CHLSN: variants seen among roughly 807,000 people sequenced by gnomAD.
CHLSN encodes protein cholesin.
chr7:1,113,781 C>T, the CHLSN span, among the ~76,000 whole-genome samples: 37 of 152,280 alleles, frequency 2.4e-4, no homozygotes, highest in East Asian at 4.6e-3. Context: ...CCCGCGGGTG[C>T]CAGCTCTGAC....
At chr7:1,043,624 A>C in the CHLSN span, 2 of 152,312 alleles carry the variant, frequency 1.3e-5, no homozygotes, top group East Asian at 3.8e-4. Flanking sequence ...GCAGCAAGTC[A>C]GTATCACATC....
At chr7:1,016,309 GCACAGCAGCA>G in the CHLSN span, among the ~76,000 whole-genome samples, 11 of 45,754 alleles carry the variant, frequency 2.4e-4, 2 homozygotes, top group South Asian at 2.0e-3. Context: ...GCACATAGCA[GCACAGCAGCA>G]CACAGCAGCA....
At chr7:992,010 G>T in the CHLSN span, among the ~76,000 whole-genome samples, 1 of 152,150 alleles carries the variant, frequency 6.6e-6, no homozygotes, top group Non-Finnish European at 1.5e-5. Flanking sequence ...CAGGCAGCCC[G>T]CGAGCCCAGC....
At chr7:1,063,813 T>C in the CHLSN span, among the ~76,000 whole-genome samples, 2 of 152,242 alleles carry the variant, frequency 1.3e-5, no homozygotes, top group African/African-American at 4.8e-5. Context: ...TGGTTTGATC[T>C]GAATGTGGGC....
At chr7:1,037,443 G>A in the CHLSN span, among the ~76,000 whole-genome samples, 1 of 124,514 alleles carries the variant, frequency 8.0e-6, no homozygotes, top group African/African-American at 3.1e-5. Context: ...ACGGGGTTTC[G>A]CTGTGTTGGC....
At chr7:1,044,474 G>A in the CHLSN span, 1 of 152,236 alleles carries the variant, frequency 6.6e-6, no homozygotes, top group Non-Finnish European at 1.5e-5. Context: ...GGGGGGCGGA[G>A]GCCAGGGCGG....
At chr7:1,066,228 C>A in the CHLSN span, among the ~76,000 whole-genome samples, 2 of 152,158 alleles carry the variant, frequency 1.3e-5, no homozygotes, top group African/African-American at 4.8e-5. Flanking sequence ...CCCAGGCCCA[C>A]AGAAGGGGAC....
chr7:1,010,395 C>T, the CHLSN span, among the ~76,000 whole-genome samples: 1 of 152,226 alleles, frequency 6.6e-6, no homozygotes, highest in Non-Finnish European at 1.5e-5. Context: ...GAGGCCCCTT[C>T]CCCACCCCCG....
chr7:988,241 G>T, the CHLSN span: 25 of 1,543,724 alleles, frequency 1.6e-5, no homozygotes, highest in African/African-American at 3.4e-4. Flanking sequence ...CATCTTCCCC[G>T]GGGCCCCTCT....
At chr7:1,005,902 C>T in the CHLSN span, among the ~76,000 whole-genome samples, 18 of 152,210 alleles carry the variant, frequency 1.2e-4, no homozygotes, top group East Asian at 3.8e-4. Flanking sequence ...GGCCGGCCCC[C>T]GAAAATGGTG....
At chr7:1,042,563 C>T in the CHLSN span, among the ~76,000 whole-genome samples, 1 of 152,234 alleles carries the variant, frequency 6.6e-6, no homozygotes, top group Non-Finnish European at 1.5e-5. Context: ...CTCCCCAGGA[C>T]ACACACGAGC....
At chr7:1,008,982 C>A in the CHLSN span, among the ~76,000 whole-genome samples, 1 of 135,502 alleles carries the variant, frequency 7.4e-6, no homozygotes, top group Non-Finnish European at 1.6e-5. Flanking sequence ...CACACACACC[C>A]ATGCGAACAC....
chr7:1,044,290 A>C, the CHLSN span, among the ~76,000 whole-genome samples: 270 of 152,370 alleles, frequency 1.8e-3, 1 homozygote, highest in African/African-American at 6.3e-3. Flanking sequence ...GGGCACTAAG[A>C]GAATTCTCAA....
the CHLSN span, among the ~76,000 whole-genome samples, chr7:1,111,582 T>C: frequency 1.3e-5 from 2 of 152,186 alleles, no homozygotes; most frequent in Non-Finnish European, 1.5e-5. Context: ...AGAGGATCGC[T>C]TGAGCCTGGG....
the CHLSN span, among the ~76,000 whole-genome samples, chr7:1,060,223 C>G: frequency 6.6e-6 from 1 of 152,044 alleles, no homozygotes; most frequent in African/African-American, 2.4e-5. Flanking sequence ...AAAGTATAGG[C>G]CTGCAATCCC....
chr7:1,017,179 C>A, the CHLSN span, among the ~76,000 whole-genome samples: 1 of 152,342 alleles, frequency 6.6e-6, no homozygotes, highest in South Asian at 2.1e-4. Flanking sequence ...GCCCCAGGCT[C>A]AGGCTCCCTG....
chr7:1,135,965 A>G, the CHLSN span, among the ~76,000 whole-genome samples: 33 of 128,314 alleles, frequency 2.6e-4, no homozygotes, highest in South Asian at 7.0e-3. Flanking sequence ...ATAAATATAT[A>G]TAAGTATATA....
At chr7:1,095,894 G>T in the CHLSN span, among the ~76,000 whole-genome samples, 2,583 of 152,330 alleles carry the variant, frequency 0.017, 90 homozygotes, top group East Asian at 0.17. Flanking sequence ...GTCACCCAAG[G>T]TCACCAGCCC....
chr7:1,097,931 G>A, the CHLSN span, among the ~76,000 whole-genome samples: 1 of 152,218 alleles, frequency 6.6e-6, no homozygotes, highest in Non-Finnish European at 1.5e-5. This position sits in a 1 kb window ranked among gnomAD's most constrained non-coding sequence, Gnocchi z 4.3. Context: ...GACAAAGGCA[G>A]AGCAATCATC....
Sources: allele counts gnomAD v4.1 joint callset (sites outside exome capture counted in the v4.1 genomes callset), GRCh38; gene constraint gnomAD v4.1.1; non-coding constraint Gnocchi (gnomAD v3.1); transcripts MANE v1.5; gene names NCBI Gene and HGNC (gene_info 2026-07-23, HGNC 2026-07-21).